The following ZNF160 variants were observed in gnomAD, a reference collection of about 807,000 sequenced individuals.
ZNF160 encodes KRAB zinc finger protein KR18.
ZNF160 carries 9 observed loss-of-function variants against 13.1 expected under a neutral mutation model. The ratio of observed to expected loss-of-function variants is 0.69; its 90% CI spans 0.41 to 1.20. ZNF160 has a LOEUF of 1.20. ZNF160 is among the 50% of genes most tolerant of loss of function. The pLI, the probability that ZNF160 is intolerant of heterozygous loss-of-function variation, is 0.01. For missense variants in ZNF160, 838 were observed against 988.0 expected (o/e 0.85, Z 2.04); for synonymous variants, 293 against 333.2 (o/e 0.88, Z 1.31).
intron 1 of ZNF160, among the ~76,000 whole-genome samples, chr19:53,093,252 C>T (rs542971945): frequency 1.8e-4 from 27 of 152,294 alleles, no homozygotes; most frequent in African/African-American, 6.3e-4. Context: ...CAAGCCTGGC[C>T]AACATGGTGA....
chr19:53,075,384 A>G (rs1393380924), intron 3 of ZNF160: 4 of 595,006 alleles, frequency 6.7e-6, no homozygotes, highest in African/African-American at 1.9e-5. Context: ...CAGTGGAGTG[A>G]TAAGTATCTT....
rs138076345 is a variant in ZNF160 at position 53,090,489 on chromosome 19, G to A, written c.-46+924C>T. ...TCTTTCTCCTGTCTCTCTTTCTCCT[G>A]ATCCCCTGTGGCCACATATTTACAG... On this transcript the variant is annotated intron_variant, in intron 2 of 5. Coordinates refer to ENST00000683776, the MANE Select transcript of ZNF160 (RefSeq NM_001322131.2). 3.9e-5 allele frequency among the ~76,000 whole-genome samples: 6 copies of A among 152,200 alleles called. No individual in the cohort carries two copies. In the South Asian group the frequency reaches 1.2e-3, roughly 32 times the overall value.
chr19:53,101,685 C>A (rs2085451769), intron 1 of ZNF160, among the ~76,000 whole-genome samples: 1 of 152,170 alleles, frequency 6.6e-6, no homozygotes. Flanking sequence ...CCTTGCCTCT[C>A]TTCACTGCCC....
chr19:53,096,630 C>T (rs534617873), intron 1 of ZNF160, among the ~76,000 whole-genome samples: 10 of 137,254 alleles, frequency 7.3e-5, no homozygotes, highest in Non-Finnish European at 1.6e-4. Flanking sequence ...ATTCACAGAC[C>T]CAGATCCTTG....
At chr19:53,097,592 C>A (rs4801954) in intron 1 of ZNF160, among the ~76,000 whole-genome samples, 93,039 of 152,080 alleles carry the variant, frequency 0.61, 30,083 homozygotes, top group East Asian at 0.72. Context: ...CTCATAGTGA[C>A]TCCACCCCAC....
chr19:53,074,697 G>C (rs868688803), intron 4 of ZNF160, among the ~76,000 whole-genome samples: 12 of 148,786 alleles, frequency 8.1e-5, no homozygotes, highest in Middle Eastern at 3.6e-3. Flanking sequence ...ATCATCCACT[G>C]AATGCCTCCT....
rs140794529 is a variant in ZNF160 at position 53,075,139 on chromosome 19, C to T, written c.60G>A (p.Glu20=). 18 of 1,614,088 alleles carry T rather than the reference C, an allele frequency of 1.1e-5. No individual in the cohort carries two copies. The highest frequency in any genetic ancestry group is 1.0e-4 in the Admixed American group (6 of 60,002). The change falls in exon 4 of 6, where the codon GAG becomes GAA. Residue 20 remains glutamate (E), a synonymous_variant. Coordinates refer to ENST00000683776, the MANE Select transcript of ZNF160 (RefSeq NM_001322131.2). ...GAGCAGGGTCCAGGCATTTCCACTCCTCCTGAGAGAATTCTATGGCCACAT... is the reference window on the plus strand; with the variant it reads ...GAGCAGGGTCCAGGCATTTCCACTCTTCCTGAGAGAATTCTATGGCCACAT... ...FRDVAIEFSQ[E]EWKCLDPAQR... is the part of the protein sequence containing the mutation.
At chr19:53,088,177 C>T (rs73935219) in intron 2 of ZNF160, among the ~76,000 whole-genome samples, 1,574 of 152,096 alleles carry the variant, frequency 0.01, 23 homozygotes, top group African/African-American at 0.036. Flanking sequence ...TAAAGGTTAA[C>T]GGGGTGTCAT....
At chr19:53,085,311 G>T in intron 3 of ZNF160, 1 of 655,520 alleles carries the variant, frequency 1.5e-6, no homozygotes, top group Non-Finnish European at 1.9e-6. Context: ...TCATAATGAT[G>T]TCAAAATACA....
At chr19:53,079,063 A>T (rs1285987860) in intron 3 of ZNF160, among the ~76,000 whole-genome samples, 2 of 152,178 alleles carry the variant, frequency 1.3e-5, no homozygotes, top group African/African-American at 2.4e-5. Flanking sequence ...ATACTAGGAA[A>T]CCAAATTGTA....
At chr19:53,084,878 C>T (rs945162803) in intron 3 of ZNF160, 2 of 151,800 alleles carry the variant, frequency 1.3e-5, no homozygotes, top group African/African-American at 4.8e-5. Context: ...GATCACTCTT[C>T]CAATCGTCCA....
intron 3 of ZNF160, chr19:53,085,318 T>C: frequency 1.7e-6 from 1 of 594,862 alleles, no homozygotes; most frequent in Non-Finnish European, 2.1e-6. Flanking sequence ...GATGTCAAAA[T>C]ACATTTCTAC....
intron 3 of ZNF160, among the ~76,000 whole-genome samples, chr19:53,076,500 G>A (rs1367060681): frequency 1.3e-5 from 2 of 152,124 alleles, no homozygotes; most frequent in Non-Finnish European, 2.9e-5. Flanking sequence ...TTAGCCAGGC[G>A]TGGTGGCAGG....
At chr19:53,074,046 T>A (rs1015352989) in intron 5 of ZNF160, 94 bp downstream of exon 5, 1 of 1,278,620 alleles carries the variant, frequency 7.8e-7, no homozygotes, top group Admixed American at 1.9e-5. Flanking sequence ...CACCTTGGCC[T>A]CCCTAAGTGT....
chr19:53,071,767 C>T (rs557832493), intron 5 of ZNF160, among the ~76,000 whole-genome samples: 4 of 152,220 alleles, frequency 2.6e-5, no homozygotes, highest in East Asian at 1.9e-4. Flanking sequence ...TATTTTTCCA[C>T]GCTGACCTCA....
intron 1 of ZNF160, among the ~76,000 whole-genome samples, chr19:53,094,226 T>C (rs2085136148): frequency 6.6e-6 from 1 of 152,128 alleles, no homozygotes. Context: ...AATTACCAGA[T>C]ACCGTTCCTC....
At chr19:53,100,777 G>C (rs28726276) in intron 1 of ZNF160, among the ~76,000 whole-genome samples, 24,284 of 151,440 alleles carry the variant, frequency 0.16, 2,211 homozygotes, top group African/African-American at 0.23. Flanking sequence ...GAGATCAGGA[G>C]TTTAAGACCA....
chr19:53,068,841 A>G lies in ZNF160; in HGVS notation c.1693T>C (p.Tyr565His). 1 of 1,614,090 alleles carries G rather than the reference A, an allele frequency of 6.2e-7. No individual in the cohort carries two copies. Among genetic ancestry groups the G allele is most frequent in the Non-Finnish European group, 8.5e-7 (1 of 1,179,966 alleles). ...HRGIHSGEKP[Y>H]KCNECGKVFA... ...ACTTTACCACATTCATTACACTTGT[A>G]AGGTTTCTCTCCAGAATGAATTCCC... Residue 565 changes from tyrosine (Y) to histidine (H), a missense_variant, in exon 6 of 6, where the codon TAC (tyrosine) becomes CAC (histidine). By Grantham distance (83) the Tyr-to-His change is moderately conservative. Around this residue, in one of 3 missense-constraint regions of ZNF160, gnomAD observed 400 missense variants for 538.9 expected, o/e 0.74. Transcript: ENST00000683776.
chr19:53,098,123 T>C (rs1239099307), intron 1 of ZNF160, among the ~76,000 whole-genome samples: 1 of 152,164 alleles, frequency 6.6e-6, no homozygotes, highest in Non-Finnish European at 1.5e-5. Flanking sequence ...CATTACAAAA[T>C]GATCCTGCAG....
Sources: allele counts gnomAD v4.1 joint callset (sites outside exome capture counted in the v4.1 genomes callset), GRCh38; gene constraint gnomAD v4.1.1; regional missense constraint gnomAD v4.1.1; transcripts MANE v1.5; gene names NCBI Gene and HGNC (gene_info 2026-07-23, HGNC 2026-07-21).